Variants in KDM5A observed in about 807,000 individuals in gnomAD.
KDM5A encodes the protein lysine demethylase 5A.
Under a neutral mutation model 193.5 loss-of-function variants are expected in KDM5A, and 42 were observed. That is an observed-to-expected ratio of 0.22 (90% CI 0.17 to 0.28). The LOEUF is 0.28. Ranked by LOEUF, KDM5A falls within the 10% of genes least tolerant of loss-of-function variation. The pLI is 1.00. For missense variants in KDM5A, 1,692 were observed against 2,055.1 expected (o/e 0.82, Z 3.42); for synonymous variants, 796 against 718.1 (o/e 1.11, Z -1.73).
chr12:293,655 T>C (rs1343213305), intron 26 of KDM5A, among the ~76,000 whole-genome samples: 1 of 151,794 alleles, frequency 6.6e-6, no homozygotes, highest in Non-Finnish European at 1.5e-5. Context: ...GGTGCATGCC[T>C]GTAGTCCCAG....
intron 14 of KDM5A, among the ~76,000 whole-genome samples, chr12:324,154 A>C (rs1238220896): frequency 6.6e-6 from 1 of 152,154 alleles, no homozygotes; most frequent in African/African-American, 2.4e-5. Flanking sequence ...AAATTTTTAA[A>C]CATTACCCAG....
At chr12:377,899 T>C (rs1467485559) in intron 3 of KDM5A, among the ~76,000 whole-genome samples, 2 of 152,036 alleles carry the variant, frequency 1.3e-5, no homozygotes, top group Admixed American at 6.5e-5. Context: ...TCCAAGAAAA[T>C]AAAGCTGATA....
At chr12:319,827 G>A (rs1047638934) in intron 18 of KDM5A, among the ~76,000 whole-genome samples, 1 of 152,152 alleles carries the variant, frequency 6.6e-6, no homozygotes, top group African/African-American at 2.4e-5. Flanking sequence ...TCCAGAGTAT[G>A]CAGCTGGACA....
At chr12:374,860 T>C (rs140033822) in intron 3 of KDM5A, among the ~76,000 whole-genome samples, 2,542 of 151,360 alleles carry the variant, frequency 0.017, 36 homozygotes, top group Non-Finnish European at 0.027. Context: ...TATGAAATTA[T>C]GGGTTGAAAA....
intron 24 of KDM5A, among the ~76,000 whole-genome samples, chr12:306,692 G>A (rs1419897437): frequency 6.7e-6 from 1 of 150,204 alleles, no homozygotes; most frequent in Non-Finnish European, 1.5e-5. Flanking sequence ...GCACTGAACA[G>A]AGATCGCGCC....
At position 328,836 on chromosome 12, in the gene KDM5A, A is replaced by T; in HGVS notation, c.1967T>A (p.Met656Lys). ...ETRLRESVVQ[M>K]GVLMSEEEVF... ...AGAAAATGTGCTCAGCAAACTCACC[A>T]TCTGTACAACAGACTCTCTTAATCG... is the stretch of plus-strand genomic sequence containing the variant. Residue 656 changes from methionine to lysine, a missense_variant and splice_region_variant, in exon 14 of 28, where the codon ATG becomes AAG. Around this residue, in one of 11 missense-constraint regions of KDM5A, gnomAD observed 88 missense variants for 124.6 expected, o/e 0.71. Coordinates refer to ENST00000399788, the MANE Select transcript of KDM5A (RefSeq NM_001042603.3). 1 of 1,613,674 alleles carries T rather than the reference A, an allele frequency of 6.2e-7. No individual in the cohort carries two copies. The highest frequency in any genetic ancestry group is 8.5e-7 in the Non-Finnish European group (1 of 1,179,982).
At chr12:372,453 C>T (rs540844075) in intron 3 of KDM5A, among the ~76,000 whole-genome samples, 2 of 152,184 alleles carry the variant, frequency 1.3e-5, no homozygotes, top group Non-Finnish European at 2.9e-5. Context: ...TATCCTGAGA[C>T]TTTGCTGAAG....
rs1449043938 is a variant in KDM5A at position 293,057 on chromosome 12, T to C, written c.4568A>G (p.Lys1523Arg). Residue 1523 changes from lysine to arginine, a missense_variant, in exon 27 of 28, where the codon AAG becomes AGG. Lys to Arg is a conservative substitution (Grantham distance 26, BLOSUM62 2). Transcript: ENST00000399788. ...VEQLFGEGKQ[K>R]SKELKKMDKP... ...GTCCATTTTCTTTAACTCCTTGGACTTCTGTTTTCCTTCTCCAAAAAGTTG... is the reference window on the plus strand; with the variant it reads ...GTCCATTTTCTTTAACTCCTTGGACCTCTGTTTTCCTTCTCCAAAAAGTTG... The C allele has an allele frequency of 1.3e-6, 2 of 1,586,958 alleles. No individual in the cohort carries two copies. The highest frequency in any genetic ancestry group is 2.7e-5 in the African/African-American group (2 of 72,916).
chr12:362,823 C>T, intron 5 of KDM5A, 140 bp downstream of exon 5: 1 of 739,668 alleles, frequency 1.4e-6, no homozygotes, highest in Non-Finnish European at 2.3e-6. Context: ...GAGCCAGGCA[C>T]AGCAGCGCAT....
chr12:384,688 G>C (rs1944618056), intron 2 of KDM5A, among the ~76,000 whole-genome samples: 1 of 152,096 alleles, frequency 6.6e-6, no homozygotes, highest in Non-Finnish European at 1.5e-5. Context: ...TATGTAAAAA[G>C]TTGTCATATT....
intron 27 of KDM5A, among the ~76,000 whole-genome samples, chr12:287,542 A>G (rs1189170013): frequency 6.6e-6 from 1 of 151,910 alleles, no homozygotes; most frequent in Non-Finnish European, 1.5e-5. Flanking sequence ...TGCAAAATGT[A>G]AAAATTAAAG....
intron 26 of KDM5A, among the ~76,000 whole-genome samples, 168 bp from the exon 27 acceptor site, chr12:293,337 A>G (rs1459978971): frequency 6.6e-6 from 1 of 152,204 alleles, no homozygotes; most frequent in African/African-American, 2.4e-5. Flanking sequence ...TAGTGGGTAT[A>G]GTTTCTGTTG....
intron 13 of KDM5A, among the ~76,000 whole-genome samples, chr12:331,129 G>A (rs767101789): frequency 1.3e-5 from 2 of 151,704 alleles, no homozygotes; most frequent in Non-Finnish European, 2.9e-5. Flanking sequence ...AAATCACCTA[G>A]TTGTCTATCA....
At chr12:367,729 G>A (rs928341155) in intron 3 of KDM5A, among the ~76,000 whole-genome samples, 1 of 151,704 alleles carries the variant, frequency 6.6e-6, no homozygotes. Flanking sequence ...CCAGGCAGGT[G>A]GTGTACCTGT....
At chr12:376,576 C>T (rs2137487517) in intron 3 of KDM5A, among the ~76,000 whole-genome samples, 1 of 152,330 alleles carries the variant, frequency 6.6e-6, no homozygotes, top group African/African-American at 2.4e-5. Flanking sequence ...CGGTGGGCTG[C>T]AGCCACTGTC....
At chr12:355,126 C>G in intron 7 of KDM5A, 32 bp downstream of exon 7, 1 of 1,273,770 alleles carries the variant, frequency 7.9e-7, no homozygotes, top group East Asian at 2.3e-5. Flanking sequence ...AAAATAAATC[C>G]TTTCCCTCCT....
At chr12:357,645 T>C (rs1369919638) in intron 5 of KDM5A, among the ~76,000 whole-genome samples, 1 of 150,976 alleles carries the variant, frequency 6.6e-6, no homozygotes, top group Non-Finnish European at 1.5e-5. Flanking sequence ...CCGCCCAATA[T>C]GGTGAAACCC....
At chr12:348,564 T>C (rs1177817902) in intron 10 of KDM5A, among the ~76,000 whole-genome samples, 1 of 152,136 alleles carries the variant, frequency 6.6e-6, no homozygotes, top group Non-Finnish European at 1.5e-5. Flanking sequence ...ATATACACCA[T>C]GGAATATTGT....
chr12:303,214 T>C (rs954706104), intron 24 of KDM5A, among the ~76,000 whole-genome samples: 2 of 152,166 alleles, frequency 1.3e-5, no homozygotes, highest in Non-Finnish European at 2.9e-5. Flanking sequence ...CATGCACACA[T>C]ATGTTTACTG....
Sources: gnomAD v4.1 joint callset for allele counts (sites outside exome capture counted in the v4.1 genomes callset) on GRCh38, gnomAD v4.1.1 for gene constraint, gnomAD v4.1.1 regional missense constraint, MANE v1.5 for transcripts, NCBI Gene and HGNC (gene_info 2026-07-23, HGNC 2026-07-21) for gene names.